The following ETV1 variants were observed in gnomAD, a reference collection of about 807,000 sequenced individuals.
ETV1 encodes the protein ETS translocation variant 1.
A neutral mutation model predicts 62.3 loss-of-function variants in ETV1; 27 were observed. The ratio of observed to expected loss-of-function variants is 0.43; its 90% confidence interval spans 0.32 to 0.60. The LOEUF (loss-of-function observed/expected upper bound fraction) is 0.60. ETV1 is among the 20% of genes least tolerant of loss of function. The pLI is 0.06. For missense variants in ETV1, 605 were observed against 605.8 expected (o/e 1.00, Z 0.01); for synonymous variants, 222 against 199.6 (o/e 1.11, Z -0.94).
At chr7:13,914,332 T>G (rs1783907287) in intron 9 of ETV1, among the ~76,000 whole-genome samples, 1 of 152,280 alleles carries the variant, frequency 6.6e-6, no homozygotes, top group East Asian at 1.9e-4. Flanking sequence ...GTTTCAAAAC[T>G]TGTGGATCAA....
chr7:13,969,551 A>G (rs1208569371), intron 6 of ETV1, among the ~76,000 whole-genome samples: 1 of 152,146 alleles, frequency 6.6e-6, no homozygotes, highest in Non-Finnish European at 1.5e-5. Flanking sequence ...GCACTCCACG[A>G]AAGGCCTGCA....
upstream of ETV1, chr7:13,989,673 G>C (rs1782873080): frequency 2.5e-6 from 1 of 398,762 alleles, no homozygotes; most frequent in East Asian, 3.6e-5. Context: ...CTCTGACAGA[G>C]CTCAATTCGG....
intron 5 of ETV1, among the ~76,000 whole-genome samples, chr7:13,984,024 A>C (rs1319410): frequency 0.57 from 87,064 of 151,626 alleles, 25,345 homozygotes; most frequent in African/African-American, 0.64. Context: ...CAGAAAAAAA[A>C]AAACTAAACA....
upstream of ETV1, chr7:13,990,402 G>C (rs919906858): frequency 1.5e-4 from 23 of 152,264 alleles, no homozygotes; most frequent in African/African-American, 5.3e-4. Context: ...AAGTCAAAAT[G>C]GTCCCTACGT....
At chr7:13,969,079 A>T (rs1780604690) in intron 6 of ETV1, among the ~76,000 whole-genome samples, 1 of 152,210 alleles carries the variant, frequency 6.6e-6, no homozygotes, top group Non-Finnish European at 1.5e-5. Context: ...CACCAGTGGA[A>T]CAGTAGAACA....
chr7:13,927,223 C>T (rs940620344), intron 9 of ETV1, among the ~76,000 whole-genome samples: 2 of 151,956 alleles, frequency 1.3e-5, no homozygotes, highest in African/African-American at 4.8e-5. Context: ...CTGAGGCTGG[C>T]GGATCACTTG....
chr7:13,965,375 C>A (rs541269272), intron 6 of ETV1, among the ~76,000 whole-genome samples: 1 of 152,308 alleles, frequency 6.6e-6, no homozygotes, highest in South Asian at 2.1e-4. Context: ...TGCTCTTGGT[C>A]TCTCTTCATC....
chr7:13,925,327 G>A (rs58139784), intron 9 of ETV1, among the ~76,000 whole-genome samples: 13,465 of 152,092 alleles, frequency 0.089, 1,058 homozygotes, highest in African/African-American at 0.21. Context: ...TTAATACACT[G>A]CAATGTGCAA....
At chr7:13,976,258 G>A (rs1317524594) in intron 6 of ETV1, among the ~76,000 whole-genome samples, 3 of 152,156 alleles carry the variant, frequency 2.0e-5, no homozygotes, top group Non-Finnish European at 4.4e-5. Flanking sequence ...ACTTCAGCTT[G>A]GGATACAAAA....
intron 8 of ETV1, among the ~76,000 whole-genome samples, chr7:13,932,177 C>G (rs542384539): frequency 6.6e-6 from 1 of 152,154 alleles, no homozygotes; most frequent in Admixed American, 6.5e-5. Context: ...AAACTGCATC[C>G]TCTATCTTTT....
chr7:13,902,563 T>G (rs2128409024), intron 12 of ETV1, among the ~76,000 whole-genome samples: 1 of 152,294 alleles, frequency 6.6e-6, no homozygotes, highest in African/African-American at 2.4e-5. Flanking sequence ...AAGCATTTTC[T>G]AAAGAATATT....
rs1429350854 is a variant in ETV1, at chr7:13,894,491, T to C, written c.*1375A>G. 3 of 232,816 alleles carry C rather than the reference T, an allele frequency of 1.3e-5. No individual in the cohort carries two copies. Among genetic ancestry groups the C allele is most frequent in the Non-Finnish European group, 2.6e-5 (3 of 117,514 alleles). 14.4% of individuals were successfully genotyped at this position (232,816 alleles called of 1,614,324 possible). On this transcript the variant is annotated 3_prime_UTR_variant, in exon 14 of 14. Transcript: ENST00000430479. ...TATGTCATACAGCAACTTCCTCATATTCTTTGACGGTTTGTAAATAATTTT... is the reference window on the plus strand; with the variant it reads ...TATGTCATACAGCAACTTCCTCATACTCTTTGACGGTTTGTAAATAATTTT...
At chr7:13,957,310 T>C (rs1334196638) in intron 6 of ETV1, among the ~76,000 whole-genome samples, 3 of 152,028 alleles carry the variant, frequency 2.0e-5, no homozygotes, top group Non-Finnish European at 4.4e-5. Context: ...ATGGTCTCGA[T>C]CTCCTGACCT....
Position 13,976,203 on chromosome 7 carries a change from G to C in ETV1, c.235+1224C>G, listed in dbSNP as rs1781436794. Among the ~76,000 whole-genome samples the C allele has an allele frequency of 2.0e-5, 3 of 152,146 alleles. No individual in the cohort carries two copies. The South Asian group carries it at 6.2e-4, about 32-fold the overall frequency. On this transcript the variant is annotated intron_variant, in intron 6 of 13. Transcript: ENST00000430479. Reference sequence around the variant, plus strand: ...AAGCTAATACAACAGTGGTTACCAGGGACTGAGGGCAGAGAAATGGGAGTT... The same window carrying C: ...AAGCTAATACAACAGTGGTTACCAGCGACTGAGGGCAGAGAAATGGGAGTT...
chr7:13,956,036 T>A (rs561077773), intron 6 of ETV1, among the ~76,000 whole-genome samples: 78 of 152,320 alleles, frequency 5.1e-4, no homozygotes, highest in Non-Finnish European at 1.6e-4. Context: ...CTGATTTCAA[T>A]ACCAATACCC....
intron 6 of ETV1, among the ~76,000 whole-genome samples, chr7:13,963,235 A>G (rs1790394020): frequency 6.6e-6 from 1 of 152,072 alleles, no homozygotes; most frequent in South Asian, 2.1e-4. Flanking sequence ...CTTTCAGTTC[A>G]CAGCACCTAG....
At position 13,963,899 on chromosome 7, in the gene ETV1, C is replaced by T. The variant is rs77679225; in HGVS notation, c.235+13528G>A. 8.4e-3 allele frequency among the ~76,000 whole-genome samples: 1,284 copies of T among 152,256 alleles called. 14 individuals are homozygous for T. The highest frequency in any genetic ancestry group is 0.039 in the East Asian group (201 of 5,166). ...CGTTTATTGATTAGCTGATAACTTT[C>T]TAATGCAACAGCCTTTAATCTGCAA... On this transcript the variant is annotated intron_variant, in intron 6 of 13. Coordinates refer to ENST00000430479, the MANE Select transcript of ETV1 (RefSeq NM_004956.5).
rs774071237 is a variant in ETV1, at chr7:13,939,151, A to G, written c.331T>C (p.Phe111Leu). Residue 111 changes from phenylalanine (F) to leucine (L), a missense_variant, in exon 7 of 14, where the codon TTC (phenylalanine) becomes CTC (leucine). By Grantham distance (22) the Phe-to-Leu change is conservative. This residue lies in a region of ETV1 where 426 missense variants were observed against 377.8 expected (regional missense o/e 1.13). Coordinates refer to ENST00000430479, the MANE Select transcript of ETV1 (RefSeq NM_004956.5). ...TACAGGCACTTTTCTCCATAGCTGA[A>G]TTTAAAGGGCTGTTCTTGACTGCAG... The part of the protein sequence containing the change: ...SACSQEQPFK[F>L]SYGEKCLYNV... 1.9e-6 allele frequency: 3 copies of G among 1,613,332 alleles called. No individual in the cohort carries two copies. Among genetic ancestry groups the G allele is most frequent in the African/African-American group, 2.7e-5 (2 of 74,912 alleles).
chr7:13,938,143 C>T (rs1301385237), intron 7 of ETV1, among the ~76,000 whole-genome samples: 10 of 152,108 alleles, frequency 6.6e-5, no homozygotes, highest in Admixed American at 6.5e-4. Context: ...CGAGGTTTCT[C>T]CGTGTTGGTC....
Sources: allele counts gnomAD v4.1 joint callset (sites outside exome capture counted in the v4.1 genomes callset), GRCh38; gene constraint gnomAD v4.1.1; regional missense constraint gnomAD v4.1.1; transcripts MANE v1.5; gene names NCBI Gene and HGNC (gene_info 2026-07-23, HGNC 2026-07-21).